Variants in FSTL4 observed in about 807,000 individuals in gnomAD.
FSTL4 encodes follistatin-related protein 4.
Under a neutral mutation model 78.2 loss-of-function variants are expected in FSTL4, and 28 were observed. The ratio of observed to expected loss-of-function variants is 0.36; its 90% CI spans 0.27 to 0.49. The LOEUF is 0.49. Among genes scored for constraint, FSTL4 ranks in the 20% least tolerant of loss-of-function variants. The pLI is 0.98. For missense variants in FSTL4, 922 were observed against 1,084.9 expected, an observed-to-expected ratio of 0.85 and a Z score of 2.11; for synonymous variants, 422 against 440.5, an observed-to-expected ratio of 0.96 and a Z score of 0.53.
the FSTL4 span, among the ~76,000 whole-genome samples, chr5:133,694,674 C>T: frequency 6.6e-6 from 1 of 152,224 alleles, no homozygotes; most frequent in Non-Finnish European, 1.5e-5. Flanking sequence ...TTAGTTTCTT[C>T]AGGCTGCCAC....
the FSTL4 span, among the ~76,000 whole-genome samples, chr5:133,788,392 G>C: frequency 1.3e-3 from 204 of 152,330 alleles, 1 homozygote; most frequent in African/African-American, 4.0e-3. Flanking sequence ...TGTAATAGTA[G>C]TACCTCCCTG....
chr5:133,355,846 T>C (rs1754929979), intron 4 of FSTL4, among the ~76,000 whole-genome samples: 1 of 152,200 alleles, frequency 6.6e-6, no homozygotes, highest in Non-Finnish European at 1.5e-5. Flanking sequence ...TTCACACTCC[T>C]GAGAAACTCC....
At chr5:133,646,659 A>T in the FSTL4 span, among the ~76,000 whole-genome samples, 1 of 152,140 alleles carries the variant, frequency 6.6e-6, no homozygotes, top group Non-Finnish European at 1.5e-5. Context: ...GATTGAGGAC[A>T]TAGTTTGGAG....
the FSTL4 span, among the ~76,000 whole-genome samples, chr5:133,637,457 G>A: frequency 6.6e-6 from 1 of 152,064 alleles, no homozygotes; most frequent in Non-Finnish European, 1.5e-5. Flanking sequence ...ACTATGCATA[G>A]AATAAAATAG....
chr5:133,378,761 C>G (rs761369404), intron 4 of FSTL4, among the ~76,000 whole-genome samples: 2 of 151,756 alleles, frequency 1.3e-5, no homozygotes. Context: ...CTAAAAACAC[C>G]CTCCAAAAAT....
At chr5:133,398,726 G>A (rs910374333) in intron 4 of FSTL4, among the ~76,000 whole-genome samples, 3 of 152,070 alleles carry the variant, frequency 2.0e-5, no homozygotes, top group South Asian at 2.1e-4. Context: ...TTTTACAGTC[G>A]AGGAAAAGGC....
chr5:133,785,172 C>T, the FSTL4 span, among the ~76,000 whole-genome samples: 1 of 152,196 alleles, frequency 6.6e-6, no homozygotes. Flanking sequence ...CCATGCTGGG[C>T]TTACCCACTG....
chr5:133,503,818 C>T (rs1758555908), intron 3 of FSTL4, among the ~76,000 whole-genome samples: 1 of 152,210 alleles, frequency 6.6e-6, no homozygotes, highest in African/African-American at 2.4e-5. Context: ...TGTATTAGTC[C>T]ATTCTCACAC....
At chr5:133,661,110 C>T in the FSTL4 span, among the ~76,000 whole-genome samples, 2 of 152,220 alleles carry the variant, frequency 1.3e-5, no homozygotes, top group African/African-American at 4.8e-5. Context: ...CCTGCCTCAG[C>T]CTCCCAAGTA....
chr5:133,597,594 T>A (rs1760764156), intron 2 of FSTL4, among the ~76,000 whole-genome samples: 1 of 152,170 alleles, frequency 6.6e-6, no homozygotes, highest in African/African-American at 2.4e-5. Context: ...TCACAGAACT[T>A]TTCAGGGCCA....
intron 7 of FSTL4, among the ~76,000 whole-genome samples, chr5:133,246,250 G>A (rs1352368331): frequency 2.0e-5 from 3 of 152,172 alleles, no homozygotes; most frequent in Non-Finnish European, 4.4e-5. Flanking sequence ...ACCTCAGGCT[G>A]AGGGACTCTG....
At chr5:133,560,569 C>T (rs1313880367) in intron 3 of FSTL4, among the ~76,000 whole-genome samples, 3 of 151,920 alleles carry the variant, frequency 2.0e-5, no homozygotes, top group African/African-American at 7.3e-5. Flanking sequence ...TTTCACCATG[C>T]TGGCCAGGTT....
At chr5:133,683,825 A>AG in the FSTL4 span, among the ~76,000 whole-genome samples, 1 of 152,226 alleles carries the variant, frequency 6.6e-6, no homozygotes, top group African/African-American at 2.4e-5. Context: ...CACCTGCTTC[A>AG]GAACTGGACT....
intron 4 of FSTL4, chr5:133,388,470 C>T (rs1186794358): frequency 6.6e-6 from 1 of 152,066 alleles, no homozygotes; most frequent in Non-Finnish European, 1.5e-5. Context: ...TCCTTCCTAC[C>T]AGACAGTGTC....
chr5:133,593,191 C>T (rs1157424806), intron 2 of FSTL4, among the ~76,000 whole-genome samples: 1 of 152,062 alleles, frequency 6.6e-6, no homozygotes, highest in Non-Finnish European at 1.5e-5. Flanking sequence ...ACCTCAACAG[C>T]CCCTTTCTTC....
At chr5:133,613,880 G>A (rs1266897890), upstream of FSTL4, among the ~76,000 whole-genome samples, 2 of 152,236 alleles carry the variant, frequency 1.3e-5, no homozygotes, top group East Asian at 3.8e-4. Flanking sequence ...GCCCTAGCCA[G>A]TGTGATCCTC....
chr5:133,511,220 C>T (rs560084783), intron 3 of FSTL4, among the ~76,000 whole-genome samples: 6 of 152,298 alleles, frequency 3.9e-5, no homozygotes, highest in African/African-American at 1.2e-4. Context: ...TGCCATGGGC[C>T]TGGGTCCCTG....
At chr5:133,357,464 G>T (rs1754966529) in intron 4 of FSTL4, among the ~76,000 whole-genome samples, 1 of 152,202 alleles carries the variant, frequency 6.6e-6, no homozygotes, top group Non-Finnish European at 1.5e-5. Flanking sequence ...GGAAAAAAGG[G>T]ACAGGGATTG....
intron 7 of FSTL4, among the ~76,000 whole-genome samples, chr5:133,235,114 T>A (rs1283616959): frequency 6.6e-6 from 1 of 152,094 alleles, no homozygotes; most frequent in Non-Finnish European, 1.5e-5. Flanking sequence ...GAGCTCCTGT[T>A]CCTGAAATGC....
Sources: gnomAD v4.1 joint callset for allele counts (sites outside exome capture counted in the v4.1 genomes callset) on GRCh38, gnomAD v4.1.1 for gene constraint, MANE v1.5 for transcripts, NCBI Gene and HGNC (gene_info 2026-07-23, HGNC 2026-07-21) for gene names.